SV2B: variants seen among roughly 807,000 people sequenced by gnomAD.
The protein encoded by SV2B is synaptic vesicle glycoprotein 2B, also known as solute carrier family 22 member B2.
Under a neutral mutation model 73.9 loss-of-function variants are expected in SV2B, and 41 were observed. The ratio of observed to expected loss-of-function variants is 0.56; its 90% CI spans 0.43 to 0.72. The LOEUF is 0.72. SV2B is among the 30% of genes least tolerant of loss of function. SV2B has a pLI of 0.00. For missense variants in SV2B, 764 were observed against 857.8 expected (o/e 0.89, Z 1.37); for synonymous variants, 314 against 314.2 (o/e 1.00, Z 0.01).
chr15:91,273,611 C>G (rs1456635636), intron 9 of SV2B, among the ~76,000 whole-genome samples: 3 of 152,160 alleles, frequency 2.0e-5, no homozygotes, highest in African/African-American at 7.2e-5. Flanking sequence ...TTATATAATC[C>G]TATCATCTGC....
At chr15:91,210,570 G>T (rs1393295704) in intron 1 of SV2B, among the ~76,000 whole-genome samples, 5 of 152,148 alleles carry the variant, frequency 3.3e-5, no homozygotes, top group African/African-American at 1.2e-4. Flanking sequence ...GTTGGGGAAT[G>T]ATCCTGGATC....
At chr15:91,199,742 A>G (rs1010458620) in intron 1 of SV2B, among the ~76,000 whole-genome samples, 4 of 152,306 alleles carry the variant, frequency 2.6e-5, no homozygotes, top group South Asian at 2.1e-4. Context: ...CAGAGGCTTA[A>G]TGGAAATTTT....
At position 91,105,743 on chromosome 15, in the gene SV2B, G is replaced by A. The variant is rs1351449628; in HGVS notation, c.-392+5380G>A. ...TACTGCAGTGACCCAGGTGAGAGAG[G>A]GTGGTGGTTTGGACCAGGCTGGATA... On this transcript the variant is annotated intron_variant, in intron 1 of 12. Coordinates refer to ENST00000394232, the MANE Select transcript of SV2B (RefSeq NM_001323032.3). The surrounding 1 kb of genome is among the most constrained non-coding windows in gnomAD (Gnocchi z 5.5). Among the ~76,000 whole-genome samples the A allele has an allele frequency of 2.0e-5, 3 of 152,146 alleles. No homozygotes were observed. In the East Asian group the frequency reaches 5.8e-4, roughly 29 times the overall value.
At chr15:91,277,852 T>A (rs1047480798) in intron 9 of SV2B, among the ~76,000 whole-genome samples, 1 of 152,358 alleles carries the variant, frequency 6.6e-6, no homozygotes, top group Non-Finnish European at 1.5e-5. Context: ...ATTTCCCTTT[T>A]TGTTCTATGT....
intron 1 of SV2B, among the ~76,000 whole-genome samples, chr15:91,103,004 C>T (rs2041778548): frequency 6.6e-6 from 1 of 152,152 alleles, no homozygotes; most frequent in Non-Finnish European, 1.5e-5. Flanking sequence ...CCCGGGACAG[C>T]AGTAGGACCT....
At chr15:91,161,291 T>C (rs966575380) in intron 1 of SV2B, among the ~76,000 whole-genome samples, 3 of 152,198 alleles carry the variant, frequency 2.0e-5, no homozygotes, top group African/African-American at 7.2e-5. Context: ...GGTGAATTTT[T>C]TTTGTATGTA....
At position 91,214,922 on chromosome 15, in the gene SV2B, C is replaced by T. The variant is rs142859020; in HGVS notation, c.-391-10951C>T. Among the ~76,000 whole-genome samples the T allele has an allele frequency of 1.4e-4, 21 of 152,326 alleles. No individual in the cohort carries two copies. Among genetic ancestry groups the T allele is most frequent in the East Asian group, 9.6e-4 (5 of 5,188 alleles). On this transcript the variant is annotated intron_variant, in intron 1 of 12. Transcript: ENST00000394232. This position sits in a 1 kb window ranked among gnomAD's most constrained non-coding sequence, Gnocchi z 4.7. ...TCTGTTTTGGATAAACTACAAGAGACGCTGCTCAGTGATTCTTGATTCTGT... is the reference window on the plus strand; with the variant it reads ...TCTGTTTTGGATAAACTACAAGAGATGCTGCTCAGTGATTCTTGATTCTGT...
At chr15:91,201,463 C>T (rs548565997) in intron 1 of SV2B, among the ~76,000 whole-genome samples, 1 of 152,198 alleles carries the variant, frequency 6.6e-6, no homozygotes, top group East Asian at 1.9e-4. Flanking sequence ...TAGTTAATAG[C>T]GTCAGAGCTG....
chr15:91,292,284 C>A, intron 12 of SV2B, 85 bp from the exon 13 acceptor site: 1 of 1,372,394 alleles, frequency 7.3e-7, no homozygotes, highest in Non-Finnish European at 9.9e-7. Flanking sequence ...CCCTCTTCCC[C>A]CTGCAATAAG....
chr15:91,272,965 T>G (rs1217492423), intron 9 of SV2B, among the ~76,000 whole-genome samples: 1 of 151,340 alleles, frequency 6.6e-6, no homozygotes, highest in Non-Finnish European at 1.5e-5. Context: ...CCTGAGTAGC[T>G]GGGATTACAG....
chr15:91,266,689 G>A lies in SV2B; in HGVS notation c.1116G>A (p.Lys372=). The A allele has an allele frequency of 6.2e-7, 1 of 1,612,870 alleles. No individual in the cohort carries two copies. The highest frequency in any genetic ancestry group is 8.5e-7 in the Non-Finnish European group (1 of 1,179,204). Residue 372 remains lysine, a synonymous_variant, in exon 7 of 13, where the codon AAG becomes AAA. Coordinates refer to ENST00000394232, the MANE Select transcript of SV2B (RefSeq NM_001323032.3). Reference sequence around the variant, plus strand: ...TGGTCAGATTCAAGACCATTTTCAAGCAGGTATGATTGGGAACTTACTTTG... The same window carrying A: ...TGGTCAGATTCAAGACCATTTTCAAACAGGTATGATTGGGAACTTACTTTG... ...RWLVRFKTIF[K]QVWDNALYCV...
In SV2B at chr15:91,124,622, G is replaced by A. The variant is rs1267958307; in HGVS notation, c.-392+24259G>A. Among the ~76,000 whole-genome samples the A allele has an allele frequency of 1.3e-5, 2 of 152,046 alleles. No individual in the cohort carries two copies. Among genetic ancestry groups the A allele is most frequent in the Non-Finnish European group, 2.9e-5 (2 of 68,006 alleles). On this transcript the variant is annotated intron_variant, in intron 1 of 12. Coordinates refer to ENST00000394232, the MANE Select transcript of SV2B (RefSeq NM_001323032.3). The surrounding 1 kb of genome is among the most constrained non-coding windows in gnomAD (Gnocchi z 4.6). ...GCTATAACAAAACACCATGGAACGG[G>A]TGATCTAAACAACAGAAATTTCTTT...
chr15:91,131,437 ATGTT>A (rs954631591), intron 1 of SV2B, among the ~76,000 whole-genome samples: 7 of 151,916 alleles, frequency 4.6e-5, no homozygotes, highest in African/African-American at 9.7e-5. Flanking sequence ...ATACACATAT[ATGTT>A]TGTGTGTGTA....
intron 2 of SV2B, among the ~76,000 whole-genome samples, chr15:91,235,545 G>A (rs1256062438): frequency 6.6e-6 from 1 of 151,866 alleles, no homozygotes; most frequent in Non-Finnish European, 1.5e-5. Flanking sequence ...TTAAACCACC[G>A]GGGGTTAAAA....
chr15:91,114,391 G>C (rs2042121825), intron 1 of SV2B, among the ~76,000 whole-genome samples: 1 of 152,168 alleles, frequency 6.6e-6, no homozygotes, highest in South Asian at 2.1e-4. Flanking sequence ...TCTCTAATGT[G>C]TGTGCTTGGG....
intron 1 of SV2B, among the ~76,000 whole-genome samples, chr15:91,177,386 G>C (rs966911140): frequency 1.3e-5 from 2 of 151,290 alleles, no homozygotes; most frequent in African/African-American, 4.9e-5. Flanking sequence ...CTCTTTTTTG[G>C]TTCCATATGA....
In SV2B at chr15:91,224,462, C is replaced by T. The variant is rs1226903462; in HGVS notation, c.-391-1411C>T. 6.6e-6 allele frequency among the ~76,000 whole-genome samples: 1 copy of T among 152,154 alleles called. No individual in the cohort carries two copies. The highest frequency in any genetic ancestry group is 1.5e-5 in the Non-Finnish European group (1 of 68,022). ...TGAGGGGCTACTCAGTGAGGCGGGG[C>T]CTCAGAGCCACTTGGAGAGAGCTGT... On this transcript the variant is annotated intron_variant, in intron 1 of 12. Transcript: ENST00000394232. This position sits in a 1 kb window ranked among gnomAD's most constrained non-coding sequence, Gnocchi z 4.9.
rs929485437 is a variant in SV2B at position 91,265,805 on chromosome 15, G to A, written c.1009-777G>A. On this transcript the variant is annotated intron_variant, in intron 6 of 12. Transcript: ENST00000394232. This position sits in a 1 kb window ranked among gnomAD's most constrained non-coding sequence, Gnocchi z 4.2. ...TGTCCTTGACATTTCTGGGAAGAGA[G>A]CCTATGCCTTTAGCAGATTCTCAAA... Among the ~76,000 whole-genome samples, 2 of 152,238 alleles carry A rather than the reference G, an allele frequency of 1.3e-5. No individual in the cohort carries two copies. Among genetic ancestry groups the A allele is most frequent in the African/African-American group, 2.4e-5 (1 of 41,474 alleles).
intron 1 of SV2B, among the ~76,000 whole-genome samples, chr15:91,183,543 C>G (rs1414222510): frequency 1.3e-5 from 2 of 152,166 alleles, no homozygotes; most frequent in Non-Finnish European, 2.9e-5. Flanking sequence ...CCTATTTCCC[C>G]AAAACTCCAC....
Sources: gnomAD v4.1 joint callset for allele counts (sites outside exome capture counted in the v4.1 genomes callset) on GRCh38, gnomAD v4.1.1 for gene constraint, Gnocchi (gnomAD v3.1) non-coding constraint, MANE v1.5 for transcripts, NCBI Gene and HGNC (gene_info 2026-07-23, HGNC 2026-07-21) for gene names.